B4GALT1: variants seen among roughly 807,000 people sequenced by gnomAD.
B4GALT1 encodes the protein beta-1,4-galactosyltransferase 1.
In B4GALT1, 16 loss-of-function variants were observed where a neutral mutation model predicts 34.9. The observed-to-expected ratio is 0.46, with a 90% confidence interval of 0.31 to 0.70. The LOEUF is 0.70. Among genes scored for constraint, B4GALT1 ranks in the 30% least tolerant of loss-of-function variants. The pLI is 0.05. For missense variants in B4GALT1, 445 were observed against 530.5 expected (o/e 0.84, Z 1.58); for synonymous variants, 221 against 218.1 (o/e 1.01, Z -0.12).
At chr9:33,119,191 T>G (rs552137809) in intron 3 of B4GALT1, among the ~76,000 whole-genome samples, 7 of 152,320 alleles carry the variant, frequency 4.6e-5, no homozygotes, top group African/African-American at 1.7e-4. Context: ...CACTTTTATG[T>G]TAATATAAAC....
At chr9:33,169,099 G>C, upstream of B4GALT1, among the ~76,000 whole-genome samples, 1 of 152,198 alleles carries the variant, frequency 6.6e-6, no homozygotes, top group East Asian at 1.9e-4. Flanking sequence ...CTTGCCCTGG[G>C]TTATATGGCA....
intron 2 of B4GALT1, among the ~76,000 whole-genome samples, chr9:33,121,750 CAA>C (rs1186886762): frequency 6.6e-6 from 1 of 152,092 alleles, no homozygotes; most frequent in Non-Finnish European, 1.5e-5. Context: ...GCTTCTCACA[CAA>C]TAAGAGCTCA....
chr9:33,127,673 T>C (rs1840132683), intron 2 of B4GALT1, among the ~76,000 whole-genome samples: 1 of 152,166 alleles, frequency 6.6e-6, no homozygotes, highest in African/African-American at 2.4e-5. Context: ...ACAAGTTAAT[T>C]ATGATGGAAT....
chr9:33,181,683 A>G, the B4GALT1 span, among the ~76,000 whole-genome samples: 2 of 152,186 alleles, frequency 1.3e-5, no homozygotes, highest in Non-Finnish European at 2.9e-5. Flanking sequence ...GATTTGTTCA[A>G]GGATCAACAT....
chr9:33,171,371 C>T (rs1840838795), upstream of B4GALT1, among the ~76,000 whole-genome samples: 1 of 152,184 alleles, frequency 6.6e-6, no homozygotes, highest in South Asian at 2.1e-4. Context: ...AAAGGACTCT[C>T]CATGTGGCTG....
upstream of B4GALT1, among the ~76,000 whole-genome samples, chr9:33,168,144 TCTC>T (rs1399313261): frequency 2.0e-5 from 3 of 152,240 alleles, no homozygotes; most frequent in East Asian, 5.8e-4. Flanking sequence ...AAGTAGCAGT[TCTC>T]CCCATGTCGT....
chr9:33,140,152 G>A (rs995152166), intron 1 of B4GALT1, among the ~76,000 whole-genome samples: 2 of 152,220 alleles, frequency 1.3e-5, no homozygotes, highest in Non-Finnish European at 2.9e-5. Context: ...ACACCAGCAC[G>A]GACTCCTGAC....
intron 2 of B4GALT1, among the ~76,000 whole-genome samples, chr9:33,125,130 A>AT (rs1840072636): frequency 6.6e-6 from 1 of 152,180 alleles, no homozygotes. Flanking sequence ...TCCCCAAATG[A>AT]TTGAGCAGAG....
intron 2 of B4GALT1, among the ~76,000 whole-genome samples, chr9:33,131,546 G>A (rs1278748733): frequency 6.6e-6 from 1 of 152,200 alleles, no homozygotes; most frequent in Non-Finnish European, 1.5e-5. Flanking sequence ...ACTCCATTTT[G>A]AGCATTACTT....
chr9:33,164,656 A>G (rs1840721795), intron 1 of B4GALT1, among the ~76,000 whole-genome samples: 1 of 152,234 alleles, frequency 6.6e-6, no homozygotes, highest in African/African-American at 2.4e-5. Context: ...AACAAAACTA[A>G]GCAGAGGTAT....
At chr9:33,173,506 A>G in the B4GALT1 span, among the ~76,000 whole-genome samples, 2 of 152,210 alleles carry the variant, frequency 1.3e-5, no homozygotes, top group African/African-American at 4.8e-5. Context: ...GAGAAAACTA[A>G]AATGAATCCT....
At chr9:33,175,843 C>T in the B4GALT1 span, among the ~76,000 whole-genome samples, 2 of 152,192 alleles carry the variant, frequency 1.3e-5, no homozygotes, top group Admixed American at 6.5e-5. Flanking sequence ...ACTATCGACA[C>T]ATTTCTCAGA....
At chr9:33,183,270 T>TA in the B4GALT1 span, among the ~76,000 whole-genome samples, 1 of 151,504 alleles carries the variant, frequency 6.6e-6, no homozygotes, top group Non-Finnish European at 1.5e-5. Context: ...GGTTATCAAA[T>TA]AAAAAAAACA....
intron 3 of B4GALT1, among the ~76,000 whole-genome samples, chr9:33,118,337 T>A (rs62544383): frequency 2.6e-5 from 4 of 151,836 alleles, no homozygotes; most frequent in Non-Finnish European, 5.9e-5. Context: ...CAGGAAGAAA[T>A]GATGAGAATA....
At chr9:33,146,888 A>G (rs1055755616) in intron 1 of B4GALT1, among the ~76,000 whole-genome samples, 19 of 152,076 alleles carry the variant, frequency 1.2e-4, no homozygotes, top group African/African-American at 4.6e-4. Flanking sequence ...TTTAGTAAAG[A>G]CGGGGTTTCG....
chr9:33,156,805 T>A (rs917928681), intron 1 of B4GALT1, among the ~76,000 whole-genome samples: 4 of 152,150 alleles, frequency 2.6e-5, no homozygotes, highest in Non-Finnish European at 2.9e-5. Flanking sequence ...AACTTTTTGA[T>A]CAACACCATT....
At chr9:33,150,022 A>G (rs1007668439) in intron 1 of B4GALT1, among the ~76,000 whole-genome samples, 5 of 152,166 alleles carry the variant, frequency 3.3e-5, no homozygotes, top group Non-Finnish European at 5.9e-5. Context: ...AAATGTTTCA[A>G]TGTTGATGTC....
intron 3 of B4GALT1, 31 bp downstream of exon 3, chr9:33,120,388 T>A (rs1482978036): frequency 6.2e-7 from 1 of 1,610,510 alleles, no homozygotes; most frequent in Middle Eastern, 2.2e-4. Context: ...AGAGACATGT[T>A]TACCACAGAT....
At chr9:33,150,912 C>G (rs1840507930) in intron 1 of B4GALT1, among the ~76,000 whole-genome samples, 1 of 151,982 alleles carries the variant, frequency 6.6e-6, no homozygotes. Context: ...GCAAGAGAGT[C>G]CATGAGTAGA....
Sources: allele counts gnomAD v4.1 joint callset (sites outside exome capture counted in the v4.1 genomes callset), GRCh38; gene constraint gnomAD v4.1.1; transcripts MANE v1.5; gene names NCBI Gene and HGNC (gene_info 2026-07-23, HGNC 2026-07-21).